The following POM121 variants were observed in gnomAD, a reference collection of about 807,000 sequenced individuals.
The protein encoded by POM121 is nuclear envelope pore membrane protein POM 121.
In POM121, 32 loss-of-function variants were observed where a neutral mutation model predicts 81.3. The observed-to-expected ratio is 0.39, with a 90% CI of 0.30 to 0.53. POM121 has a LOEUF of 0.53. Ranked by LOEUF, POM121 falls within the 20% of genes least tolerant of loss-of-function variation. The pLI is 0.66. For missense variants in POM121, 1,138 were observed against 1,614.6 expected (o/e 0.70, Z 5.06); for synonymous variants, 514 against 694.2 (o/e 0.74, Z 4.08).
chr7:72,918,007 C>G (rs1453613823), intron 4 of POM121, among the ~76,000 whole-genome samples: 6 of 152,206 alleles, frequency 3.9e-5, no homozygotes, highest in African/African-American at 1.4e-4. Context: ...AGAAAGATAG[C>G]TTACGCCATT....
Position 72,925,650 on chromosome 7 carries a change from C to A in POM121, c.529C>A (p.Pro177Thr). The change falls in exon 1 of 13, where the codon CCG becomes ACG. Residue 177 changes from proline (P) to threonine (T), a missense_variant. Physicochemically the swap from Pro to Thr is conservative, Grantham distance 38 (BLOSUM62 -1). Coordinates refer to ENST00000434423, the MANE Select transcript of POM121 (RefSeq NM_001387691.1). ...PARPAPRSPP[P>T]RSPPPRSPPP... ...CCGCCCGGCGCCGCGCTCCCCACCG[C>A]CGCGCTCCCCACCGCCGCGCTCCCC... 1 of 1,222,122 alleles carries A rather than the reference C, an allele frequency of 8.2e-7. No homozygotes were observed. Among genetic ancestry groups the A allele is most frequent in the Non-Finnish European group, 1.0e-6 (1 of 982,404 alleles). 75.7% of individuals were successfully genotyped at this position (1,222,122 alleles called of 1,614,324 possible).
downstream of POM121, chr7:72,950,491 A>ATACT (rs1288081520): frequency 2.7e-6 from 1 of 371,276 alleles, no homozygotes; most frequent in African/African-American, 2.3e-5. Flanking sequence ...TATATCCAAG[A>ATACT]TACTTACGTG....
chr7:72,931,851 A>G (rs1563160517), intron 5 of POM121, among the ~76,000 whole-genome samples: 1 of 152,176 alleles, frequency 6.6e-6, no homozygotes, highest in Admixed American at 6.5e-5. Flanking sequence ...GATTACAGGC[A>G]TGAGCCACCA....
rs57062510 is a variant in POM121, at chr7:72,888,675, A to AGTGTGTGTGTGTGTGTGT, written c.-520-1941_-520-1924dup. ...CGGACCGAGAAGACTGAGGCATAAG[A>AGTGTGTGTGTGTGTGTGT]GTGTGTGTGTGTGTGTGTGTGTGTG... is the stretch of plus-strand genomic sequence containing the variant. On this transcript the variant is annotated intron_variant, in intron 1 of 15. Transcript: ENST00000395270. Among the ~76,000 whole-genome samples, 160 of 143,426 alleles carry AGTGTGTGTGTGTGTGTGT rather than the reference A, an allele frequency of 1.1e-3. 1 individual carries two copies. Among genetic ancestry groups the AGTGTGTGTGTGTGTGTGT allele is most frequent in the African/African-American group, 3.8e-3 (151 of 39,458 alleles). The allele number at this position is 143,426 out of a possible 152,430, so 94.1% of individuals were successfully genotyped here.
intron 3 of POM121, among the ~76,000 whole-genome samples, chr7:72,900,624 C>G (rs1457794699): frequency 6.6e-6 from 1 of 152,080 alleles, no homozygotes; most frequent in African/African-American, 2.4e-5. Context: ...CTTACCTCAG[C>G]TTGGGAGTAG....
chr7:72,887,268 T>G (rs1398353796), intron 1 of POM121, among the ~76,000 whole-genome samples: 1 of 152,040 alleles, frequency 6.6e-6, no homozygotes, highest in Non-Finnish European at 1.5e-5. Context: ...AATAGAACGA[T>G]GAACTCTCTC....
chr7:72,905,532 C>T (rs1346800585), intron 3 of POM121, among the ~76,000 whole-genome samples: 5 of 151,968 alleles, frequency 3.3e-5, no homozygotes, highest in South Asian at 2.1e-4. Flanking sequence ...GGCAAAACCC[C>T]GTCTCAAAAA....
chr7:72,929,898 T>G (rs426999), intron 4 of POM121, 42 bp from the exon 5 acceptor site: 8 of 1,519,256 alleles, frequency 5.3e-6, no homozygotes, highest in Admixed American at 4.1e-5. Flanking sequence ...GTAAAAGAAT[T>G]TTGCCTTCAA....
chr7:72,945,703 C>G lies in POM121; in HGVS notation c.3647C>G (p.Pro1216Arg), dbSNP rs1350066996. ...APAQGFVGVA[P>R]FGSAALSFSI... The stretch of plus-strand genomic sequence containing the variant: ...GCCCAAGGCTTTGTTGGTGTTGCAC[C>G]TTTCGGTAAGCAGCAAGCCACCCTG... Residue 1216 changes from proline to arginine, a missense_variant, in exon 12 of 13, where the codon CCT becomes CGT. By Grantham distance (103) the Pro-to-Arg change is moderately radical. This residue lies in a region of POM121 where 336 missense variants were observed against 344.3 expected (regional missense o/e 0.98). Transcript: ENST00000434423. 1.9e-6 allele frequency: 3 copies of G among 1,609,062 alleles called. No individual in the cohort carries two copies. Among genetic ancestry groups the G allele is most frequent in the Admixed American group, 1.7e-5 (1 of 59,048 alleles).
chr7:72,920,597 G>A (rs1340272253), upstream of POM121, among the ~76,000 whole-genome samples: 39 of 151,908 alleles, frequency 2.6e-4, no homozygotes, highest in Admixed American at 1.5e-3. Context: ...CTCATGATCC[G>A]CCCGCCTTGG....
At chr7:72,882,044 T>C (rs1554489362) in intron 1 of POM121, among the ~76,000 whole-genome samples, 1 of 152,220 alleles carries the variant, frequency 6.6e-6, no homozygotes, top group Non-Finnish European at 1.5e-5. Context: ...ATGGGTAGTA[T>C]ATTTTAAGGC....
At chr7:72,890,263 C>T (rs797028405) in intron 1 of POM121, among the ~76,000 whole-genome samples, 18 of 151,644 alleles carry the variant, frequency 1.2e-4, no homozygotes, top group East Asian at 3.9e-4. Context: ...AGAAGGGGAG[C>T]GCCTGGCAGC....
At chr7:72,910,909 C>T (rs1459571115) in intron 3 of POM121, among the ~76,000 whole-genome samples, 1 of 152,152 alleles carries the variant, frequency 6.6e-6, no homozygotes, top group Non-Finnish European at 1.5e-5. Flanking sequence ...CCCAGGAACT[C>T]ACCACTGGGT....
chr7:72,926,407 T>C lies in POM121; in HGVS notation c.790T>C (p.Ser264Pro). ...HKKAVLSPRN[S>P]RMVCSPVTVR... ...GAAGGCTGTGCTGTCCCCTCGCAAC[T>C]CCAGGATGGTGTGTAGCCCAGTGAC... is the stretch of plus-strand genomic sequence containing the variant. Residue 264 changes from serine to proline, a missense_variant, in exon 2 of 13, where the codon TCC (serine) becomes CCC (proline). Around this residue, in one of 7 missense-constraint regions of POM121, gnomAD observed 646 missense variants for 633.5 expected, o/e 1.02. Transcript: ENST00000434423. The C allele has an allele frequency of 6.2e-7, 1 of 1,613,974 alleles. No homozygotes were observed. Among genetic ancestry groups the C allele is most frequent in the Non-Finnish European group, 8.5e-7 (1 of 1,179,858 alleles).
intron 3 of POM121, among the ~76,000 whole-genome samples, chr7:72,894,466 T>C (rs1791650309): frequency 6.6e-6 from 1 of 151,120 alleles, no homozygotes; most frequent in Non-Finnish European, 1.5e-5. Flanking sequence ...TAATCCCAGC[T>C]AGTCAGGAGG....
chr7:72,920,561 A>G (rs74428076), upstream of POM121, among the ~76,000 whole-genome samples: 368 of 151,952 alleles, frequency 2.4e-3, 14 homozygotes, highest in East Asian at 0.058. Context: ...TCACCATGTT[A>G]GCCAGGATGG....
chr7:72,943,954 G>A (rs1797401721), intron 11 of POM121, among the ~76,000 whole-genome samples: 1 of 152,078 alleles, frequency 6.6e-6, no homozygotes, highest in Non-Finnish European at 1.5e-5. Context: ...GCACAAGAAT[G>A]GTTTGAACCC....
rs781922742 is a variant in POM121, at chr7:72,926,432, C to G, written c.815C>G (p.Thr272Ser). The G allele has an allele frequency of 6.8e-5, 110 of 1,613,890 alleles. 2 individuals are homozygous for G. The South Asian group carries it at 1.1e-3, about 17-fold the overall frequency. Residue 272 changes from threonine (T) to serine (S), a missense_variant, in exon 2 of 13, where the codon ACT becomes AGT. By Grantham distance (58) the Thr-to-Ser change is moderately conservative (BLOSUM62 1). This residue lies in a region of POM121 where 646 missense variants were observed against 633.5 expected (regional missense o/e 1.02). Coordinates refer to ENST00000434423, the MANE Select transcript of POM121 (RefSeq NM_001387691.1). ...TCCAGGATGGTGTGTAGCCCAGTGACTGTGAGGATCGCCCCTCCTGACAGA... is the reference window on the plus strand; with the variant it reads ...TCCAGGATGGTGTGTAGCCCAGTGAGTGTGAGGATCGCCCCTCCTGACAGA... ...RNSRMVCSPV[T>S]VRIAPPDRRF...
chr7:72,945,697 T>G lies in POM121; in HGVS notation c.3641T>G (p.Val1214Gly). ...GCACCCGCCCAAGGCTTTGTTGGTG[T>G]TGCACCTTTCGGTAAGCAGCAAGCC... ...SSAPAQGFVGVAPFGSAALSF... is the reference protein window; with the variant it reads ...SSAPAQGFVGGAPFGSAALSF... Residue 1214 changes from valine to glycine, a missense_variant, in exon 12 of 13, where the codon GTT (valine) becomes GGT (glycine). This residue lies in a region of POM121 where 336 missense variants were observed against 344.3 expected (regional missense o/e 0.98). Transcript: ENST00000434423. 1 of 1,610,640 alleles carries G rather than the reference T, an allele frequency of 6.2e-7. No individual in the cohort carries two copies. Among genetic ancestry groups the G allele is most frequent in the South Asian group, 1.1e-5 (1 of 90,564 alleles).
Sources: gnomAD v4.1 joint callset for allele counts (sites outside exome capture counted in the v4.1 genomes callset) on GRCh38, gnomAD v4.1.1 for gene constraint, gnomAD v4.1.1 regional missense constraint, MANE v1.5 for transcripts, NCBI Gene and HGNC (gene_info 2026-07-23, HGNC 2026-07-21) for gene names.